The following DLG1 variants were observed in gnomAD, a reference collection of about 807,000 sequenced individuals.
The protein encoded by DLG1 is disks large homolog 1.
A neutral mutation model predicts 123.4 loss-of-function variants in DLG1; 42 were observed. The ratio of observed to expected loss-of-function variants is 0.34; its 90% CI spans 0.27 to 0.44. The LOEUF is 0.44. Among genes scored for constraint, DLG1 ranks in the 20% least tolerant of loss-of-function variants. The pLI, the probability that DLG1 is intolerant of heterozygous loss-of-function variation, is 1.00. For missense variants in DLG1, 942 were observed against 1,082.6 expected (o/e 0.87, Z 1.82); for synonymous variants, 317 against 356.2 (o/e 0.89, Z 1.24).
At chr3:197,163,159 C>G (rs1197089021) in intron 5 of DLG1, among the ~76,000 whole-genome samples, 2 of 152,140 alleles carry the variant, frequency 1.3e-5, no homozygotes, top group Non-Finnish European at 2.9e-5. Flanking sequence ...GATTACTTCA[C>G]CACTACAAGG....
At chr3:197,196,820 G>A (rs1388192401) in intron 4 of DLG1, among the ~76,000 whole-genome samples, 1 of 152,050 alleles carries the variant, frequency 6.6e-6, no homozygotes, top group Non-Finnish European at 1.5e-5. Context: ...CACATGACAT[G>A]TATTTTCTAC....
At chr3:197,180,385 G>A (rs947535278) in intron 5 of DLG1, among the ~76,000 whole-genome samples, 2 of 152,056 alleles carry the variant, frequency 1.3e-5, no homozygotes, top group African/African-American at 4.8e-5. Context: ...ATTATTGAGT[G>A]ACCCTCAACA....
intron 4 of DLG1, among the ~76,000 whole-genome samples, chr3:197,196,047 T>C (rs1722310066): frequency 6.6e-6 from 1 of 151,910 alleles, no homozygotes. Context: ...TTCAAAAGCC[T>C]TGAAAATGTT....
chr3:197,228,697 AAAGT>A (rs1295622427), intron 4 of DLG1, among the ~76,000 whole-genome samples: 1 of 152,210 alleles, frequency 6.6e-6, no homozygotes, highest in African/African-American at 2.4e-5. Flanking sequence ...GATTTGCACT[AAAGT>A]GTCTTAGGCT....
intron 4 of DLG1, among the ~76,000 whole-genome samples, chr3:197,200,854 T>TATAACAC (rs1338460555): frequency 6.6e-6 from 1 of 152,074 alleles, no homozygotes; most frequent in Non-Finnish European, 1.5e-5. Context: ...AAAGACCATA[T>TATAACAC]ATAACACACC....
At chr3:197,188,786 T>G (rs1025533573) in intron 5 of DLG1, among the ~76,000 whole-genome samples, 4 of 152,232 alleles carry the variant, frequency 2.6e-5, no homozygotes. Context: ...AATAAATTGT[T>G]GAGCTTCTTA....
intron 24 of DLG1, 75 bp from the exon 25 acceptor site, chr3:197,044,804 T>C: frequency 2.3e-6 from 2 of 864,052 alleles, no homozygotes; most frequent in South Asian, 4.1e-5. Context: ...GATGAAATAG[T>C]AGAAGCTAGT....
At chr3:197,057,807 T>C (rs1732838341) in intron 23 of DLG1, among the ~76,000 whole-genome samples, 1 of 152,166 alleles carries the variant, frequency 6.6e-6, no homozygotes, top group Non-Finnish European at 1.5e-5. Flanking sequence ...TTGCCTGATA[T>C]TCACATTGAT....
intron 15 of DLG1, among the ~76,000 whole-genome samples, chr3:197,088,490 C>A (rs1755741296): frequency 6.6e-6 from 1 of 152,176 alleles, no homozygotes; most frequent in South Asian, 2.1e-4. Context: ...CTCCCACACA[C>A]CTTTTCGCAG....
intron 4 of DLG1, among the ~76,000 whole-genome samples, chr3:197,254,891 T>C (rs1756099766): frequency 6.6e-6 from 1 of 151,480 alleles, no homozygotes; most frequent in Admixed American, 6.6e-5. Flanking sequence ...TTACTAAAAA[T>C]ACAAAGAAAA....
chr3:197,250,907 T>C (rs907212692), intron 4 of DLG1, among the ~76,000 whole-genome samples: 7 of 142,142 alleles, frequency 4.9e-5, no homozygotes, highest in African/African-American at 1.9e-4. Context: ...GAAGAGAACC[T>C]GGGAGGTAAA....
intron 19 of DLG1, among the ~76,000 whole-genome samples, chr3:197,067,551 G>GTTTTTTTTT (rs199907948): frequency 4.7e-5 from 5 of 107,392 alleles, no homozygotes; most frequent in African/African-American, 7.9e-5. Flanking sequence ...AACTCTGAGA[G>GTTTTTTTTT]TTTTTTTTTT....
chr3:197,221,505 A>G (rs975321053), intron 4 of DLG1, among the ~76,000 whole-genome samples: 18 of 152,134 alleles, frequency 1.2e-4, no homozygotes, highest in Admixed American at 1.1e-3. Context: ...AGCCTGGGTG[A>G]CAGAGTGAGA....
At chr3:197,070,742 T>C (rs1743327546) in intron 18 of DLG1, 1 of 151,696 alleles carries the variant, frequency 6.6e-6, no homozygotes, top group South Asian at 2.1e-4. Context: ...CCAACTAATT[T>C]TTCTATTTTT....
chr3:197,208,693 G>A (rs910535915), intron 4 of DLG1, among the ~76,000 whole-genome samples: 2 of 144,248 alleles, frequency 1.4e-5, no homozygotes, highest in Admixed American at 7.0e-5. Context: ...TGGCGGGGTG[G>A]GGGTAGTTGG....
chr3:197,273,220 GTATA>G (rs561197409), intron 4 of DLG1, among the ~76,000 whole-genome samples: 5 of 144,886 alleles, frequency 3.5e-5, no homozygotes, highest in African/African-American at 1.1e-4. Context: ...GTATGTGTGT[GTATA>G]TATATATATT....
chr3:197,243,447 C>A (rs1749990999), intron 4 of DLG1, among the ~76,000 whole-genome samples: 1 of 152,192 alleles, frequency 6.6e-6, no homozygotes, highest in South Asian at 2.1e-4. Flanking sequence ...CTAACATGAC[C>A]TGACTTTGCT....
chr3:197,210,505 T>G (rs1730773165), intron 4 of DLG1, among the ~76,000 whole-genome samples: 1 of 143,904 alleles, frequency 6.9e-6, no homozygotes, highest in Non-Finnish European at 1.6e-5. Flanking sequence ...TATAAAAAAC[T>G]TTAGGCAAAC....
intron 11 of DLG1, among the ~76,000 whole-genome samples, chr3:197,120,497 T>C (rs1212681061): frequency 6.6e-6 from 1 of 152,058 alleles, no homozygotes; most frequent in Non-Finnish European, 1.5e-5. Flanking sequence ...GAGGAAGCAA[T>C]ATTTAACTTT....
Sources: allele counts gnomAD v4.1 joint callset (sites outside exome capture counted in the v4.1 genomes callset), GRCh38; gene constraint gnomAD v4.1.1; transcripts MANE v1.5; gene names NCBI Gene and HGNC (gene_info 2026-07-23, HGNC 2026-07-21).